SND1: variants seen among roughly 807,000 people sequenced by gnomAD.
The protein encoded by SND1 is staphylococcal nuclease domain-containing protein 1.
SND1 carries 38 observed loss-of-function variants against 121.7 expected under a neutral mutation model. The observed-to-expected ratio is 0.31, with a 90% CI of 0.24 to 0.41. The LOEUF (loss-of-function observed/expected upper bound fraction) is 0.41, where lower values mean the gene tolerates loss of function less well. SND1 is among the 10% of genes least tolerant of loss of function. SND1 has a pLI of 1.00. For missense variants in SND1, 868 were observed against 1,184.6 expected (o/e 0.73, Z 3.92); for synonymous variants, 401 against 447.4 (o/e 0.90, Z 1.31).
chr7:128,082,011 G>C, intron 18 of SND1: 1 of 530,008 alleles, frequency 1.9e-6, no homozygotes, highest in South Asian at 1.4e-5. Context: ...CATGGAAACA[G>C]GCAGCGCTCT....
intron 2 of SND1, among the ~76,000 whole-genome samples, chr7:127,691,405 G>A (rs993889937): frequency 5.9e-5 from 9 of 151,764 alleles, no homozygotes; most frequent in East Asian, 2.0e-4. Flanking sequence ...TTAACCGGGC[G>A]TGGTGGCATG....
chr7:127,670,070 A>T (rs535979195), intron 1 of SND1, among the ~76,000 whole-genome samples: 1 of 151,298 alleles, frequency 6.6e-6, no homozygotes, highest in Non-Finnish European at 1.5e-5. Context: ...GGCTTACTGC[A>T]ACCTCTGCGT....
intron 10 of SND1, among the ~76,000 whole-genome samples, chr7:127,792,607 A>T (rs993619577): frequency 1.3e-5 from 2 of 152,208 alleles, no homozygotes; most frequent in Admixed American, 6.5e-5. Flanking sequence ...ATATAAGAAC[A>T]TAGAAATTTA....
At chr7:127,731,857 G>A (rs1431772143) in intron 10 of SND1, among the ~76,000 whole-genome samples, 1 of 152,222 alleles carries the variant, frequency 6.6e-6, no homozygotes, top group Non-Finnish European at 1.5e-5. Flanking sequence ...TAGTCCCAGA[G>A]TACCTGATAC....
Position 128,077,314 on chromosome 7 carries a change from C to T in SND1, c.1968+2624C>T, listed in dbSNP as rs556000366. 1.2e-3 allele frequency among the ~76,000 whole-genome samples: 190 copies of T among 152,338 alleles called. 5 individuals carry two copies. The South Asian group carries it at 0.037, about 30-fold the overall frequency. On this transcript the variant is annotated intron_variant, in intron 17 of 23. Transcript: ENST00000354725. ...CCTGGGACTCCCTGAGGAGGAAATG[C>T]AGGGAAGAGAGAGAGCCAGGGCAGG...
At chr7:127,673,639 T>A (rs1413517171) in intron 1 of SND1, among the ~76,000 whole-genome samples, 1 of 152,200 alleles carries the variant, frequency 6.6e-6, no homozygotes, top group Admixed American at 6.5e-5. Context: ...TTAGTGTGAT[T>A]TGTTGGCACA....
chr7:127,937,400 T>G (rs1302005059), intron 15 of SND1, among the ~76,000 whole-genome samples: 1 of 152,262 alleles, frequency 6.6e-6, no homozygotes, highest in Non-Finnish European at 1.5e-5. Flanking sequence ...TCCTGCCCTT[T>G]AGCATTTTTC....
At chr7:127,685,230 G>A (rs1795792095) in intron 1 of SND1, among the ~76,000 whole-genome samples, 1 of 152,192 alleles carries the variant, frequency 6.6e-6, no homozygotes, top group Non-Finnish European at 1.5e-5. Flanking sequence ...AGTTAAGGTA[G>A]AGAGGTGGAG....
intron 16 of SND1, among the ~76,000 whole-genome samples, chr7:128,037,210 G>A (rs1192561703): frequency 6.6e-6 from 1 of 152,198 alleles, no homozygotes; most frequent in Non-Finnish European, 1.5e-5. Context: ...TCCCTCCAGA[G>A]GCCGTAGGGG....
chr7:127,772,564 G>A (rs1791606893), intron 10 of SND1, among the ~76,000 whole-genome samples: 1 of 152,150 alleles, frequency 6.6e-6, no homozygotes, highest in South Asian at 2.1e-4. Flanking sequence ...TTTGCTCATT[G>A]TCAGAAATCC....
chr7:127,850,494 G>A (rs899436606), intron 12 of SND1, among the ~76,000 whole-genome samples: 2 of 152,142 alleles, frequency 1.3e-5, no homozygotes, highest in African/African-American at 2.4e-5. Context: ...CCGGGAGGTA[G>A]GGTCTGTATT....
At chr7:127,798,064 A>G (rs866433608) in intron 10 of SND1, among the ~76,000 whole-genome samples, 3 of 152,090 alleles carry the variant, frequency 2.0e-5, no homozygotes, top group African/African-American at 4.8e-5. Context: ...TTTTTCTTAC[A>G]TGATGGTCTT....
At chr7:127,817,504 C>T (rs1223174571) in intron 11 of SND1, among the ~76,000 whole-genome samples, 1 of 152,200 alleles carries the variant, frequency 6.6e-6, no homozygotes, top group South Asian at 2.1e-4. Flanking sequence ...TCTGCTGATA[C>T]CCATTTGCCT....
At chr7:127,906,411 G>A (rs1800341546) in intron 14 of SND1, among the ~76,000 whole-genome samples, 1 of 152,110 alleles carries the variant, frequency 6.6e-6, no homozygotes, top group Non-Finnish European at 1.5e-5. Flanking sequence ...ATATTTTTAT[G>A]TATGTGCATG....
intron 10 of SND1, 94 bp from the exon 11 acceptor site, chr7:127,807,390 T>A: frequency 2.1e-6 from 2 of 942,108 alleles, no homozygotes; most frequent in Non-Finnish European, 3.4e-6. Context: ...TACTAAGAGA[T>A]AACCAATTTC....
chr7:127,970,500 T>G (rs1801960073), intron 15 of SND1, among the ~76,000 whole-genome samples: 1 of 152,222 alleles, frequency 6.6e-6, no homozygotes, highest in Admixed American at 6.5e-5. Context: ...GCTGTCACTG[T>G]CTTTTCCTTT....
chr7:127,765,380 C>A (rs1195664973), intron 10 of SND1, among the ~76,000 whole-genome samples: 1 of 152,234 alleles, frequency 6.6e-6, no homozygotes, highest in South Asian at 2.1e-4. Context: ...GTGATTGGCA[C>A]GTCTCACTCA....
intron 11 of SND1, among the ~76,000 whole-genome samples, chr7:127,834,032 C>T (rs1251924786): frequency 2.6e-5 from 4 of 152,068 alleles, no homozygotes; most frequent in African/African-American, 4.8e-5. Context: ...GAATTTCCTT[C>T]CTTTTTAAAG....
chr7:127,726,750 C>T (rs1219821184), intron 10 of SND1, among the ~76,000 whole-genome samples: 3 of 152,128 alleles, frequency 2.0e-5, no homozygotes, highest in South Asian at 2.1e-4. Context: ...TCTGTTCTTG[C>T]GGTGCTATTG....
Sources: gnomAD v4.1 joint callset for allele counts (sites outside exome capture counted in the v4.1 genomes callset) on GRCh38, gnomAD v4.1.1 for gene constraint, MANE v1.5 for transcripts, NCBI Gene and HGNC (gene_info 2026-07-23, HGNC 2026-07-21) for gene names.